Variants in ASTN2 observed in about 807,000 individuals in gnomAD.
ASTN2 encodes the protein astrotactin 2, also known as astrotactin-2.
In ASTN2, 54 loss-of-function variants were observed where a neutral mutation model predicts 139.8. That is an observed-to-expected ratio of 0.39 (90% CI 0.31 to 0.48). The LOEUF (loss-of-function observed/expected upper bound fraction) is 0.48, where lower values mean the gene tolerates loss of function less well. ASTN2 is among the 20% of genes least tolerant of loss of function. ASTN2 has a pLI of 0.95. For missense variants in ASTN2, 1,565 were observed against 1,725.1 expected, an observed-to-expected ratio of 0.91 and a Z score of 1.64; for synonymous variants, 756 against 719.5, an observed-to-expected ratio of 1.05 and a Z score of -0.81.
intron 4 of ASTN2, among the ~76,000 whole-genome samples, chr9:117,134,086 A>G (rs1030770225): frequency 2.7e-4 from 41 of 151,896 alleles, no homozygotes; most frequent in African/African-American, 9.9e-4. Flanking sequence ...GGCTGCTAAG[A>G]AGGACAAAGT....
At chr9:116,846,955 C>A (rs1341144194) in intron 11 of ASTN2, among the ~76,000 whole-genome samples, 1 of 141,962 alleles carries the variant, frequency 7.0e-6, no homozygotes, top group African/African-American at 2.6e-5. Context: ...TCAACAAATG[C>A]CTATTCAGAA....
rs1564111565 is a variant in ASTN2, at chr9:117,258,728, C to G, written c.630+32598G>C. ...AGCCACAACAAACCACTTCCACTCC[C>G]TAAAACATGCTGTGCCCTTGCATCT... On this transcript the variant is annotated intron_variant, in intron 2 of 22. Coordinates refer to ENST00000313400, the MANE Select transcript of ASTN2 (RefSeq NM_001365068.1). Among the ~76,000 whole-genome samples the G allele has an allele frequency of 2.0e-5, 3 of 152,126 alleles. No homozygotes were observed. The South Asian group carries it at 6.2e-4, about 31-fold the overall frequency.
chr9:116,866,102 A>G (rs1017466974), intron 10 of ASTN2, among the ~76,000 whole-genome samples: 13 of 152,148 alleles, frequency 8.5e-5, no homozygotes, highest in African/African-American at 2.7e-4. Flanking sequence ...TATTGATCTT[A>G]ATTATCAGCT....
At position 116,424,785 on chromosome 9, in the gene ASTN2, C is replaced by T. The variant is rs1847261449; in HGVS notation, c.*1066G>A. ...TGTATTGTTAGTAGAGACGGGGTTT[C>T]ACCACATTAGCCAGGCTGGTCTCAA... On this transcript the variant is annotated 3_prime_UTR_variant, in exon 23 of 23. Transcript: ENST00000313400. Among the ~76,000 whole-genome samples the T allele has an allele frequency of 6.6e-6, 1 of 151,968 alleles. No individual in the cohort carries two copies. The highest frequency in any genetic ancestry group is 2.4e-5 in the African/African-American group (1 of 41,372).
chr9:117,150,935 T>C (rs1719600255), intron 3 of ASTN2, among the ~76,000 whole-genome samples: 1 of 152,124 alleles, frequency 6.6e-6, no homozygotes, highest in Non-Finnish European at 1.5e-5. Flanking sequence ...ACTCCTGGCC[T>C]CAAGTAATCC....
intron 16 of ASTN2, among the ~76,000 whole-genome samples, chr9:116,712,536 G>T (rs2132097924): frequency 6.6e-6 from 1 of 152,294 alleles, no homozygotes; most frequent in Non-Finnish European, 1.5e-5. Context: ...ACATATGTGA[G>T]CACTCTGGGT....
intron 2 of ASTN2, among the ~76,000 whole-genome samples, chr9:117,230,430 T>C (rs1832856575): frequency 6.6e-6 from 1 of 152,146 alleles, no homozygotes; most frequent in Non-Finnish European, 1.5e-5. Context: ...TCTCTCCATC[T>C]CCTCTTCTTC....
At chr9:116,805,449 A>G (rs1831005197) in intron 13 of ASTN2, among the ~76,000 whole-genome samples, 183 bp downstream of exon 13, 1 of 152,160 alleles carries the variant, frequency 6.6e-6, no homozygotes, top group South Asian at 2.1e-4. Context: ...AGGACCATGA[A>G]AAAGAAACCT....
chr9:116,571,276 T>C (rs115899195), intron 19 of ASTN2, among the ~76,000 whole-genome samples: 6,516 of 152,262 alleles, frequency 0.043, 496 homozygotes, highest in African/African-American at 0.15. Flanking sequence ...CACCTTGTTC[T>C]TTGCTATCAT....
intron 13 of ASTN2, among the ~76,000 whole-genome samples, chr9:116,772,477 A>G (rs1588280450): frequency 6.6e-6 from 1 of 152,118 alleles, no homozygotes; most frequent in African/African-American, 2.4e-5. Flanking sequence ...TGTATAAATT[A>G]CCCAGCCTCA....
intron 20 of ASTN2, among the ~76,000 whole-genome samples, chr9:116,448,014 G>T (rs1232936663): frequency 6.6e-6 from 1 of 152,196 alleles, no homozygotes; most frequent in Non-Finnish European, 1.5e-5. Context: ...CTGACAGGGG[G>T]TAAGAGCAGG....
At chr9:117,367,340 TG>T (rs1829871090) in intron 1 of ASTN2, among the ~76,000 whole-genome samples, 1 of 152,082 alleles carries the variant, frequency 6.6e-6, no homozygotes. Context: ...CAGTGATGAG[TG>T]GGGAGCATGA....
chr9:116,512,097 G>A (rs911725908), intron 19 of ASTN2, among the ~76,000 whole-genome samples: 7 of 151,860 alleles, frequency 4.6e-5, no homozygotes, highest in Non-Finnish European at 1.0e-4. Context: ...ATGATGTTAG[G>A]GTGTCAATTT....
At position 116,426,060 on chromosome 9, in the gene ASTN2, C is replaced by T; in HGVS notation, c.3811G>A (p.Glu1271Lys). ...CTGGAGCAGTGGCTACTCACCCTCTCCAGTCGCCGTAGAATCAGGTGGGCC... is the reference window on the plus strand; with the variant it reads ...CTGGAGCAGTGGCTACTCACCCTCTTCAGTCGCCGTAGAATCAGGTGGGCC... ...RKAHLILRRL[E>K]RVSSHCSSLL... The change falls in exon 23 of 23, where the codon GAG becomes AAG. Residue 1271 changes from glutamate (E) to lysine (K), a missense_variant. Physicochemically the swap from Glu to Lys is moderately conservative, Grantham distance 56. Coordinates refer to ENST00000313400, the MANE Select transcript of ASTN2 (RefSeq NM_001365068.1). 6.2e-7 allele frequency: 1 copy of T among 1,613,720 alleles called. No homozygotes were observed. The highest frequency in any genetic ancestry group is 8.5e-7 in the Non-Finnish European group (1 of 1,180,014).
intron 3 of ASTN2, among the ~76,000 whole-genome samples, chr9:117,155,498 G>C (rs545677887): frequency 4.4e-4 from 64 of 146,692 alleles, no homozygotes; most frequent in African/African-American, 1.5e-3. Flanking sequence ...GAAAGAGACA[G>C]AGAGAGAGAG....
Position 117,144,417 on chromosome 9 carries a change from C to A in ASTN2, c.1016-2939G>T, listed in dbSNP as rs946852649. Among the ~76,000 whole-genome samples, 4 of 152,164 alleles carry A rather than the reference C, an allele frequency of 2.6e-5. No homozygotes were observed. In the East Asian group the frequency reaches 7.7e-4, roughly 29 times the overall value. On this transcript the variant is annotated intron_variant, in intron 3 of 22. Transcript: ENST00000313400. ...CTCTAAGGCAAGCTTGTCCAACCTG[C>A]GGCCCAGGGGCCACAGGCAGCCCAG...
chr9:117,245,184 T>C (rs1351204074), intron 2 of ASTN2, among the ~76,000 whole-genome samples: 2 of 152,108 alleles, frequency 1.3e-5, no homozygotes, highest in Non-Finnish European at 1.5e-5. Flanking sequence ...GGATAAGCTG[T>C]CTGTTCTGAA....
At position 116,620,415 on chromosome 9, in the gene ASTN2, T is replaced by C; in HGVS notation, c.3101A>G (p.Tyr1034Cys). ...CACATCCCCTTTCCCTGAGCACCAGTAGGAACTCATCAGTGCACTCTTGAA... is the reference window on the plus strand; with the variant it reads ...CACATCCCCTTTCCCTGAGCACCAGCAGGAACTCATCAGTGCACTCTTGAA... ...EAFKSALMSS[Y>C]WCSGKGDVID... is the part of the protein sequence containing the mutation. The change falls in exon 18 of 23, where the codon TAC (tyrosine) becomes TGC (cysteine). Residue 1034 changes from tyrosine to cysteine, a missense_variant. Coordinates refer to ENST00000313400, the MANE Select transcript of ASTN2 (RefSeq NM_001365068.1). 1 of 1,614,020 alleles carries C rather than the reference T, an allele frequency of 6.2e-7. No individual in the cohort carries two copies. The highest frequency in any genetic ancestry group is 8.5e-7 in the Non-Finnish European group (1 of 1,179,986).
intron 4 of ASTN2, among the ~76,000 whole-genome samples, chr9:117,102,659 A>T (rs2132767092): frequency 6.6e-6 from 1 of 152,104 alleles, no homozygotes; most frequent in East Asian, 1.9e-4. Flanking sequence ...AGTAGCTGGG[A>T]TTACAGGTGT....
Sources: gnomAD v4.1 joint callset for allele counts (sites outside exome capture counted in the v4.1 genomes callset) on GRCh38, gnomAD v4.1.1 for gene constraint, MANE v1.5 for transcripts, NCBI Gene and HGNC (gene_info 2026-07-23, HGNC 2026-07-21) for gene names.